GRM7: variants seen among roughly 807,000 people sequenced by gnomAD.
GRM7 encodes the protein glutamate metabotropic receptor 7.
Under a neutral mutation model 84.5 loss-of-function variants are expected in GRM7, and 35 were observed. The observed-to-expected ratio is 0.41, with a 90% CI of 0.32 to 0.55. GRM7 has a LOEUF of 0.55. GRM7 is among the 20% of genes least tolerant of loss of function. GRM7 has a pLI of 0.19. For synonymous variants in GRM7, 487 were observed against 455.1 expected (o/e 1.07, Z -0.89); for missense variants, 1,003 against 1,194.6 (o/e 0.84, Z 2.36).
At chr3:7,611,349 A>G (rs1178948347) in intron 8 of GRM7, among the ~76,000 whole-genome samples, 1 of 152,176 alleles carries the variant, frequency 6.6e-6, no homozygotes, top group East Asian at 1.9e-4. Context: ...GCAGTGAGAA[A>G]CAAGGAATTT....
chr3:7,377,192 T>C (rs1694387272), intron 4 of GRM7, among the ~76,000 whole-genome samples: 1 of 151,822 alleles, frequency 6.6e-6, no homozygotes, highest in Non-Finnish European at 1.5e-5. Flanking sequence ...GGAGAACATA[T>C]TGAGATTTAT....
chr3:7,604,119 T>C (rs1696448899), intron 8 of GRM7, among the ~76,000 whole-genome samples: 1 of 140,216 alleles, frequency 7.1e-6, no homozygotes, highest in South Asian at 2.3e-4. Flanking sequence ...TTAGATAACT[T>C]AGAAGGGTTT....
At chr3:6,999,568 G>A (rs1694940501) in intron 1 of GRM7, among the ~76,000 whole-genome samples, 1 of 152,088 alleles carries the variant, frequency 6.6e-6, no homozygotes, top group South Asian at 2.1e-4. Context: ...GTGCTATAAG[G>A]ACACATCTGA....
intron 1 of GRM7, among the ~76,000 whole-genome samples, chr3:7,102,044 A>T (rs1197730542): frequency 1.3e-5 from 2 of 151,590 alleles, no homozygotes; most frequent in African/African-American, 4.8e-5. Context: ...ATCCCATAAT[A>T]TAATGTAAAA....
intron 8 of GRM7, among the ~76,000 whole-genome samples, chr3:7,610,126 C>T (rs1414718855): frequency 6.6e-6 from 1 of 152,172 alleles, no homozygotes; most frequent in Non-Finnish European, 1.5e-5. Context: ...AGGTAGGGCG[C>T]TTGGAAGAAT....
chr3:7,056,710 C>T (rs1217701003), intron 1 of GRM7, among the ~76,000 whole-genome samples: 2 of 151,920 alleles, frequency 1.3e-5, no homozygotes, highest in Non-Finnish European at 2.9e-5. Flanking sequence ...ATGTTTGCCA[C>T]ATTACCTATA....
intron 4 of GRM7, among the ~76,000 whole-genome samples, chr3:7,410,594 T>TACAC (rs1443294487): frequency 5.6e-5 from 6 of 106,392 alleles, no homozygotes; most frequent in South Asian, 3.3e-4. Context: ...TATATATATA[T>TACAC]ATATACACAC....
intron 1 of GRM7, among the ~76,000 whole-genome samples, chr3:7,083,433 C>A (rs1477784722): frequency 6.6e-6 from 1 of 152,018 alleles, no homozygotes; most frequent in Non-Finnish European, 1.5e-5. Flanking sequence ...ACTGGGAAAC[C>A]AAAAAAACCT....
At chr3:6,968,927 A>G (rs1693630984) in intron 1 of GRM7, among the ~76,000 whole-genome samples, 1 of 152,236 alleles carries the variant, frequency 6.6e-6, no homozygotes, top group Non-Finnish European at 1.5e-5. Context: ...TACACCAGAA[A>G]TTCAATTTGT....
chr3:7,430,102 TAG>T (rs1696766980), intron 5 of GRM7, among the ~76,000 whole-genome samples: 1 of 152,204 alleles, frequency 6.6e-6, no homozygotes, highest in African/African-American at 2.4e-5. Flanking sequence ...ATGGATACTA[TAG>T]AGAGACCTTA....
chr3:7,624,966 C>T (rs901781418), intron 8 of GRM7, among the ~76,000 whole-genome samples: 5 of 152,116 alleles, frequency 3.3e-5, no homozygotes, highest in Admixed American at 3.3e-4. Flanking sequence ...GAGAGGGGCA[C>T]TGTTGGCAGT....
chr3:7,614,328 A>G (rs1696981933), intron 8 of GRM7, among the ~76,000 whole-genome samples: 1 of 152,146 alleles, frequency 6.6e-6, no homozygotes. Context: ...TAATCAGAAC[A>G]TCACTAACAT....
At chr3:7,467,581 T>C (rs553015651) in intron 7 of GRM7, among the ~76,000 whole-genome samples, 1 of 152,058 alleles carries the variant, frequency 6.6e-6, no homozygotes, top group South Asian at 2.1e-4. Context: ...TTGGAGGCGG[T>C]TGCTTCCTAG....
intron 1 of GRM7, among the ~76,000 whole-genome samples, chr3:6,986,388 A>G (rs1575100804): frequency 6.8e-6 from 1 of 147,894 alleles, no homozygotes; most frequent in East Asian, 1.9e-4. Flanking sequence ...TTATGCCTCA[A>G]TAAAATGAAA....
At chr3:7,333,161 A>G (rs1171774389) in intron 4 of GRM7, among the ~76,000 whole-genome samples, 3 of 151,322 alleles carry the variant, frequency 2.0e-5, no homozygotes, top group African/African-American at 4.9e-5. Context: ...GTCTGCCCAC[A>G]TGACAACTTC....
intron 4 of GRM7, among the ~76,000 whole-genome samples, chr3:7,314,615 T>A (rs1700519899): frequency 6.6e-6 from 1 of 152,134 alleles, no homozygotes; most frequent in Non-Finnish European, 1.5e-5. Context: ...AAGCTGTAAT[T>A]TCTACTCTTT....
At chr3:7,120,303 C>T (rs1693174370) in intron 1 of GRM7, among the ~76,000 whole-genome samples, 1 of 151,954 alleles carries the variant, frequency 6.6e-6, no homozygotes, top group Non-Finnish European at 1.5e-5. Context: ...CTCCCAAATC[C>T]ACACTAGATG....
intron 1 of GRM7, among the ~76,000 whole-genome samples, chr3:6,908,035 A>G (rs746504316): frequency 4.6e-5 from 7 of 152,200 alleles, no homozygotes; most frequent in Non-Finnish European, 1.0e-4. Context: ...ACGCTAAACT[A>G]TGCAATAACA....
chr3:7,384,178 G>A (rs948868370), intron 4 of GRM7, among the ~76,000 whole-genome samples: 7 of 152,102 alleles, frequency 4.6e-5, no homozygotes, highest in South Asian at 2.1e-4. Flanking sequence ...GTAGGCACAC[G>A]CCACTGTGCC....
Sources: allele counts gnomAD v4.1 joint callset (sites outside exome capture counted in the v4.1 genomes callset), GRCh38; gene constraint gnomAD v4.1.1; transcripts MANE v1.5; gene names NCBI Gene and HGNC (gene_info 2026-07-23, HGNC 2026-07-21).